Variants in NELL2 observed in about 807,000 individuals in gnomAD.
NELL2 encodes the protein protein kinase C-binding protein NELL2.
In NELL2, 41 loss-of-function variants were observed where a neutral mutation model predicts 109.6. The observed-to-expected ratio is 0.37, with a 90% confidence interval of 0.29 to 0.49. NELL2 has a LOEUF of 0.49. NELL2 is among the 20% of genes least tolerant of loss of function. NELL2 has a pLI of 0.98. For missense variants in NELL2, 900 were observed against 1,008.3 expected, an observed-to-expected ratio of 0.89 and a Z score of 1.45; for synonymous variants, 355 against 344.7, an observed-to-expected ratio of 1.03 and a Z score of -0.33.
intron 13 of NELL2, among the ~76,000 whole-genome samples, chr12:44,652,917 G>C (rs1947351889): frequency 6.6e-6 from 1 of 152,234 alleles, no homozygotes. Context: ...ATCCAGTAAG[G>C]TTGCATGTCT....
chr12:44,771,619 G>A (rs1941554012), intron 9 of NELL2, among the ~76,000 whole-genome samples: 1 of 152,156 alleles, frequency 6.6e-6, no homozygotes, highest in African/African-American at 2.4e-5. Context: ...TATCCTCTCT[G>A]TTTAACTCCA....
chr12:44,698,431 A>C (rs1210316735), intron 12 of NELL2, among the ~76,000 whole-genome samples: 1 of 152,182 alleles, frequency 6.6e-6, no homozygotes, highest in African/African-American at 2.4e-5. Context: ...GGTGAGCAAG[A>C]AGAAGGCACT....
At chr12:44,659,372 T>C (rs972008301) in intron 13 of NELL2, among the ~76,000 whole-genome samples, 2 of 152,188 alleles carry the variant, frequency 1.3e-5, no homozygotes, top group Non-Finnish European at 2.9e-5. Context: ...AAAGAGCTTC[T>C]GCACAGTGAA....
intron 12 of NELL2, among the ~76,000 whole-genome samples, chr12:44,672,055 G>A (rs527827578): frequency 2.5e-4 from 38 of 152,336 alleles, no homozygotes; most frequent in African/African-American, 4.3e-4. Context: ...CCTGGTGAGA[G>A]ATGATAGTTC....
chr12:44,699,250 T>C (rs1432975142), intron 12 of NELL2, among the ~76,000 whole-genome samples: 1 of 152,124 alleles, frequency 6.6e-6, no homozygotes, highest in East Asian at 1.9e-4. Flanking sequence ...GCGATGAATA[T>C]ATAATTTTTT....
At position 44,595,203 on chromosome 12, in the gene NELL2, C is replaced by G. The variant is rs146834747; in HGVS notation, c.1663+11966G>C. Among the ~76,000 whole-genome samples, 86 of 152,212 alleles carry G rather than the reference C, an allele frequency of 5.7e-4. 1 individual carries two copies. In the East Asian group the frequency reaches 0.012, roughly 22 times the overall value. On this transcript the variant is annotated intron_variant, in intron 15 of 19. Coordinates refer to ENST00000429094, the MANE Select transcript of NELL2 (RefSeq NM_001145108.2). Reference sequence around the variant, plus strand: ...TAAACATTTTTAAAGAAAATGATAACAACTAGTAAATATGCTTGGCTTCAT... The same window carrying G: ...TAAACATTTTTAAAGAAAATGATAAGAACTAGTAAATATGCTTGGCTTCAT...
At chr12:44,904,301 T>A (rs1263167933) in intron 1 of NELL2, among the ~76,000 whole-genome samples, 1 of 152,126 alleles carries the variant, frequency 6.6e-6, no homozygotes, top group African/African-American at 2.4e-5. Flanking sequence ...GCTCAACACA[T>A]CCCATTTTCT....
At chr12:44,853,564 T>C (rs1474964062) in intron 2 of NELL2, among the ~76,000 whole-genome samples, 1 of 152,152 alleles carries the variant, frequency 6.6e-6, no homozygotes. Flanking sequence ...CCTAGAGTCA[T>C]AGTGCTTTCC....
At chr12:44,821,214 C>A (rs547596365) in intron 2 of NELL2, among the ~76,000 whole-genome samples, 5 of 152,276 alleles carry the variant, frequency 3.3e-5, no homozygotes, top group African/African-American at 9.6e-5. Flanking sequence ...GCAACAATTA[C>A]TACTTCCTTT....
At chr12:44,821,050 C>G (rs1471218459) in intron 2 of NELL2, among the ~76,000 whole-genome samples, 1 of 150,620 alleles carries the variant, frequency 6.6e-6, no homozygotes, top group Admixed American at 6.6e-5. Context: ...TATAAATACA[C>G]ACACACACAC....
intron 2 of NELL2, among the ~76,000 whole-genome samples, chr12:44,846,918 G>A (rs1328589946): frequency 2.6e-5 from 4 of 152,200 alleles, no homozygotes; most frequent in African/African-American, 4.8e-5. Context: ...GGCATTCTGA[G>A]ATTTCATAAA....
At chr12:44,622,809 C>T (rs932256610) in intron 13 of NELL2, among the ~76,000 whole-genome samples, 3 of 152,076 alleles carry the variant, frequency 2.0e-5, no homozygotes, top group Admixed American at 6.6e-5. Context: ...AATTTTAAAA[C>T]GAGCTTCATT....
At chr12:44,690,591 A>T (rs917743595) in intron 12 of NELL2, among the ~76,000 whole-genome samples, 3 of 151,634 alleles carry the variant, frequency 2.0e-5, no homozygotes, top group South Asian at 2.1e-4. Flanking sequence ...ACTTATTTTT[A>T]ACAAAGCACA....
chr12:44,836,161 A>G (rs915391992), intron 2 of NELL2, among the ~76,000 whole-genome samples: 8 of 152,236 alleles, frequency 5.3e-5, no homozygotes, highest in Admixed American at 3.9e-4. Flanking sequence ...AACTGGGCCA[A>G]CAGATTGGAA....
chr12:44,608,517 T>C (rs372259754), intron 14 of NELL2, among the ~76,000 whole-genome samples: 41 of 152,152 alleles, frequency 2.7e-4, no homozygotes, highest in African/African-American at 9.1e-4. Context: ...AACAAAGATA[T>C]ACAGGAACCG....
At chr12:44,913,135 T>C (rs916179705) in intron 1 of NELL2, among the ~76,000 whole-genome samples, 1 of 152,210 alleles carries the variant, frequency 6.6e-6, no homozygotes, top group Non-Finnish European at 1.5e-5. Context: ...AACTAGTTTA[T>C]TGCACACTTA....
chr12:44,832,978 T>C lies in NELL2; in HGVS notation c.185-16842A>G, dbSNP rs149424463. Reference sequence around the variant, plus strand: ...GTATTTTCTTAGCAATGTTATAAATTTCTAGATTATCAGAGAAAATAATTA... The same window carrying C: ...GTATTTTCTTAGCAATGTTATAAATCTCTAGATTATCAGAGAAAATAATTA... On this transcript the variant is annotated intron_variant, in intron 2 of 19. Transcript: ENST00000429094. Among the ~76,000 whole-genome samples, 37 of 152,310 alleles carry C rather than the reference T, an allele frequency of 2.4e-4. No homozygotes were observed. The East Asian group carries it at 7.1e-3, about 29-fold the overall frequency.
chr12:44,704,351 G>A (rs1364500466), intron 11 of NELL2, among the ~76,000 whole-genome samples: 1 of 151,716 alleles, frequency 6.6e-6, no homozygotes, highest in Non-Finnish European at 1.5e-5. Context: ...ATGTGTTAAA[G>A]ATGAATATTA....
At chr12:44,546,284 T>C (rs912859606) in intron 15 of NELL2, among the ~76,000 whole-genome samples, 28 of 151,888 alleles carry the variant, frequency 1.8e-4, no homozygotes, top group Admixed American at 5.9e-4. Flanking sequence ...AGATATAGCT[T>C]TGAGTGGGTC....
Sources: gnomAD v4.1 joint callset for allele counts (sites outside exome capture counted in the v4.1 genomes callset) on GRCh38, gnomAD v4.1.1 for gene constraint, MANE v1.5 for transcripts, NCBI Gene and HGNC (gene_info 2026-07-23, HGNC 2026-07-21) for gene names.